Variants in ADH1A observed in about 807,000 individuals in gnomAD.
ADH1A encodes alcohol dehydrogenase 1A.
In ADH1A, 29 loss-of-function variants were observed where a neutral mutation model predicts 35.2. That is an observed-to-expected ratio of 0.82 (90% confidence interval 0.61 to 1.12). The LOEUF is 1.12. Ranked by LOEUF, ADH1A falls within the 50% of genes most tolerant of loss-of-function variation. The pLI is 0.00. For missense variants in ADH1A, 469 were observed against 464.7 expected, an observed-to-expected ratio of 1.01 and a Z score of -0.09; for synonymous variants, 147 against 164.8, an observed-to-expected ratio of 0.89 and a Z score of 0.83.
In ADH1A at chr4:99,284,424, T is replaced by C. The variant is rs1157659175; in HGVS notation, c.542A>G (p.Tyr181Cys). Residue 181 changes from tyrosine (Y) to cysteine (C), a missense_variant, in exon 5 of 9, where the codon TAT (tyrosine) becomes TGT (cysteine). Coordinates refer to ENST00000209668, the MANE Select transcript of ADH1A (RefSeq NM_000667.4). ...CTTGGCAACATTGACTGCAGACCCA[T>C]AACCAGTTGAAAATCCACAGCCAAT... is the stretch of plus-strand genomic sequence containing the variant. ...CLIGCGFSTG[Y>C]GSAVNVAKVT... 6.2e-7 allele frequency: 1 copy of C among 1,614,070 alleles called. No homozygotes were observed. Among genetic ancestry groups the C allele is most frequent in the Admixed American group, 1.7e-5 (1 of 59,998 alleles).
intron 3 of ADH1A, among the ~76,000 whole-genome samples, chr4:99,285,351 T>C (rs1733121738): frequency 6.6e-6 from 1 of 152,112 alleles, no homozygotes; most frequent in Non-Finnish European, 1.5e-5. Flanking sequence ...AGGAAAACTA[T>C]CAAAAATGGG....
Position 99,276,381 on chromosome 4 carries a change from A to C in ADH1A, c.*243T>G. The C allele has an allele frequency of 1.8e-6, 1 of 545,552 alleles. No individual in the cohort carries two copies. Among genetic ancestry groups the C allele is most frequent in the Non-Finnish European group, 3.2e-6 (1 of 308,562 alleles). The allele number at this position is 545,552 out of a possible 1,614,324, so 33.8% of individuals were successfully genotyped here. On this transcript the variant is annotated 3_prime_UTR_variant, in exon 9 of 9. Coordinates refer to ENST00000209668, the MANE Select transcript of ADH1A (RefSeq NM_000667.4). The stretch of plus-strand genomic sequence containing the variant: ...GACACAAGTAGAATGGTTAAGAAGG[A>C]AGGTTTATTGGCTTCAATTCCCCAG...
At chr4:99,290,736 G>A (rs1733269370) in intron 1 of ADH1A, among the ~76,000 whole-genome samples, 161 bp downstream of exon 1, 1 of 152,076 alleles carries the variant, frequency 6.6e-6, no homozygotes, top group Non-Finnish European at 1.5e-5. Flanking sequence ...TTCCACTGTA[G>A]TTCAGTATAC....
In ADH1A at chr4:99,280,995, C is replaced by T. The variant is rs532800458; in HGVS notation, c.829-716G>A. Among the ~76,000 whole-genome samples the T allele has an allele frequency of 2.6e-5, 4 of 152,236 alleles. No individual in the cohort carries two copies. In the South Asian group the frequency reaches 6.2e-4, roughly 24 times the overall value. On this transcript the variant is annotated intron_variant, in intron 6 of 8. Coordinates refer to ENST00000209668, the MANE Select transcript of ADH1A (RefSeq NM_000667.4). ...TTAGTTCTTTGATTTTGGATTCTGA[C>T]CTTTGGGAGACCAGACATCCTCAGA...
Position 99,286,957 on chromosome 4 carries a change from T to A in ADH1A, c.152A>T (p.Asp51Val). ...CACCATGGTACCACTAACCACGTGGTCATCTGTGCCACAGATTCCTACAGC... is the reference window on the plus strand; with the variant it reads ...CACCATGGTACCACTAACCACGTGGACATCTGTGCCACAGATTCCTACAGC... ...MVAVGICGTDDHVVSGTMVTP... is the reference protein window; with the variant it reads ...MVAVGICGTDVHVVSGTMVTP... The change falls in exon 3 of 9, where the codon GAC becomes GTC. Residue 51 changes from aspartate to valine, a missense_variant. Asp to Val is a radical substitution (Grantham distance 152). Transcript: ENST00000209668. The A allele has an allele frequency of 6.2e-7, 1 of 1,614,158 alleles. No homozygotes were observed. Among genetic ancestry groups the A allele is most frequent in the Non-Finnish European group, 8.5e-7 (1 of 1,180,008 alleles).
Position 99,280,724 on chromosome 4 carries a change from C to A in ADH1A, c.829-445G>T, listed in dbSNP as rs374526222. ...GGAAACAAGATAAATGATTATATCA[C>A]CAAAGTAGTCTCTTGTCCACTTGAT... On this transcript the variant is annotated intron_variant, in intron 6 of 8. Transcript: ENST00000209668. Among the ~76,000 whole-genome samples, 34 of 152,218 alleles carry A rather than the reference C, an allele frequency of 2.2e-4. 1 individual carries two copies. The highest frequency in any genetic ancestry group is 7.2e-4 in the African/African-American group (30 of 41,538).
At position 99,276,553 on chromosome 4, in the gene ADH1A, C is replaced by T; in HGVS notation, c.*71G>A. 1 of 1,323,488 alleles carries T rather than the reference C, an allele frequency of 7.6e-7. No homozygotes were observed. Among genetic ancestry groups the T allele is most frequent in the Non-Finnish European group, 1.1e-6 (1 of 918,430 alleles). 82.0% of individuals were successfully genotyped at this position (1,323,488 alleles called of 1,614,324 possible). A position where few individuals can be genotyped will look rare whatever the true frequency, so the allele number is the denominator to read the frequency against. On this transcript the variant is annotated 3_prime_UTR_variant, in exon 9 of 9. Coordinates refer to ENST00000209668, the MANE Select transcript of ADH1A (RefSeq NM_000667.4). Reference sequence around the variant, plus strand: ...GATGAGCAGAATTAATGATATTTCCCAGCTGTTGCTCCAGATCATGTAGGG... The same window carrying T: ...GATGAGCAGAATTAATGATATTTCCTAGCTGTTGCTCCAGATCATGTAGGG...
In ADH1A at chr4:99,282,368, A is replaced by T; in HGVS notation, c.806T>A (p.Val269Asp). ...TDGGVDFSFE[V>D]IGRLDTMMAS... ...TACCATGGTGTCAAGCCGACCGATG[A>T]CTTCAAATGAAAAATCCACACCTCC... The change falls in exon 6 of 9, where the codon GTC becomes GAC. Residue 269 changes from valine (V) to aspartate (D), a missense_variant. Physicochemically the swap from Val to Asp is radical, Grantham distance 152. Coordinates refer to ENST00000209668, the MANE Select transcript of ADH1A (RefSeq NM_000667.4). 1 of 1,614,186 alleles carries T rather than the reference A, an allele frequency of 6.2e-7. No homozygotes were observed. Among genetic ancestry groups the T allele is most frequent in the South Asian group, 1.1e-5 (1 of 91,078 alleles).
rs763459905 is a variant in ADH1A at position 99,287,001 on chromosome 4, G to A, written c.121-13C>T. The A allele has an allele frequency of 6.2e-7, 1 of 1,605,788 alleles. No individual in the cohort carries two copies. Among genetic ancestry groups the A allele is most frequent in the Admixed American group, 1.7e-5 (1 of 57,150 alleles). On this transcript the variant is annotated splice_polypyrimidine_tract_variant and intron_variant, in intron 2 of 8. Coordinates refer to ENST00000209668, the MANE Select transcript of ADH1A (RefSeq NM_000667.4). ...CTACAGCCACCATCTACAGAGTGAA[G>A]AGAAGATGTTTATAAAAGATTGTGA...
chr4:99,285,877 C>G (rs745325259), intron 3 of ADH1A, among the ~76,000 whole-genome samples: 7 of 151,812 alleles, frequency 4.6e-5, no homozygotes, highest in Non-Finnish European at 1.0e-4. Context: ...AAAAAATTAG[C>G]TGGGTGTGGT....
chr4:99,287,052 G>T, intron 2 of ADH1A, 64 bp from the exon 3 acceptor site: 1 of 1,562,816 alleles, frequency 6.4e-7, no homozygotes, highest in Admixed American at 2.0e-5. Context: ...AAAAATCCCA[G>T]TTCCCTGAAA....
chr4:99,284,506 C>T lies in ADH1A; in HGVS notation c.460G>A (p.Asp154Asn), dbSNP rs774766797. 6.2e-7 allele frequency: 1 copy of T among 1,614,092 alleles called. No individual in the cohort carries two copies. Among genetic ancestry groups the T allele is most frequent in the Non-Finnish European group, 8.5e-7 (1 of 1,180,038 alleles). ...TCAATTTTGGCTACTGCATTTTCATCCACCACTGTGTACTGTGAGAAGGTG... is the reference window on the plus strand; with the variant it reads ...TCAATTTTGGCTACTGCATTTTCATTCACCACTGTGTACTGTGAGAAGGTG... ...ISTFSQYTVVDENAVAKIDAA... is the reference protein window; with the variant it reads ...ISTFSQYTVVNENAVAKIDAA... Residue 154 changes from aspartate to asparagine, a missense_variant, in exon 5 of 9, where the codon GAT (aspartate) becomes AAT (asparagine). By Grantham distance (23) the Asp-to-Asn change is conservative. Coordinates refer to ENST00000209668, the MANE Select transcript of ADH1A (RefSeq NM_000667.4).
chr4:99,281,991 T>C lies in ADH1A; in HGVS notation c.828+355A>G, dbSNP rs116425054. On this transcript the variant is annotated intron_variant, in intron 6 of 8. Transcript: ENST00000209668. ...ATTATTAAATCATTTTTGTTAAGAA[T>C]GTGGCAGAAAAATAAAACATTCCAA... is the stretch of plus-strand genomic sequence containing the variant. 1,733 of 266,602 alleles carry C rather than the reference T, an allele frequency of 6.5e-3. 10 individuals are homozygous for C. The highest frequency in any genetic ancestry group is 7.7e-3 in the Non-Finnish European group (1,083 of 141,226). The allele number at this position is 266,602 out of a possible 1,614,324, so 16.5% of individuals were successfully genotyped here. A position where few individuals can be genotyped will look rare whatever the true frequency, so the allele number is the denominator to read the frequency against.
Position 99,286,939 on chromosome 4 carries a change from G to C in ADH1A, c.170C>G (p.Thr57Ser), listed in dbSNP as rs779096083. The change falls in exon 3 of 9, where the codon ACC (threonine) becomes AGC (serine). Residue 57 changes from threonine to serine, a missense_variant. Physicochemically the swap from Thr to Ser is moderately conservative, Grantham distance 58. Transcript: ENST00000209668. Reference protein sequence around the residue: ...CGTDDHVVSGTMVTPLPVILG... With the variant: ...CGTDDHVVSGSMVTPLPVILG... ...AATCACAGGAAGTGGGGTCACCATG[G>C]TACCACTAACCACGTGGTCATCTGT... 1 of 1,614,146 alleles carries C rather than the reference G, an allele frequency of 6.2e-7. No homozygotes were observed. The highest frequency in any genetic ancestry group is 1.1e-5 in the South Asian group (1 of 91,084).
At chr4:99,278,174 G>A (rs1206205699) in intron 8 of ADH1A, among the ~76,000 whole-genome samples, 1 of 151,846 alleles carries the variant, frequency 6.6e-6, no homozygotes, top group African/African-American at 2.4e-5. Flanking sequence ...ACTATCTTCT[G>A]GTTTTGTTCA....
chr4:99,280,382 A>T, intron 6 of ADH1A, 103 bp from the exon 7 acceptor site: 1 of 1,556,260 alleles, frequency 6.4e-7, no homozygotes, highest in Non-Finnish European at 8.7e-7. Context: ...GTGAGTGTGT[A>T]GAGGGAAGAG....
intron 8 of ADH1A, 134 bp from the exon 9 acceptor site, chr4:99,276,782 G>C: frequency 1.3e-6 from 1 of 766,464 alleles, no homozygotes; most frequent in South Asian, 1.7e-5. Context: ...ATGCATTCGG[G>C]TCAAGTGAAG....
At chr4:99,289,948 G>T (rs1321433203) in intron 1 of ADH1A, among the ~76,000 whole-genome samples, 1 of 152,150 alleles carries the variant, frequency 6.6e-6, no homozygotes, top group Admixed American at 6.5e-5. Flanking sequence ...CAGTCTTATT[G>T]ATATGAACCT....
Position 99,280,240 on chromosome 4 carries a change from T to C in ADH1A, c.868A>G (p.Ser290Gly), listed in dbSNP as rs1222128958. 6.2e-7 allele frequency: 1 copy of C among 1,613,768 alleles called. No homozygotes were observed. Among genetic ancestry groups the C allele is most frequent in the South Asian group, 1.1e-5 (1 of 91,050 alleles). The change falls in exon 7 of 9, where the codon AGT becomes GGT. Residue 290 changes from serine to glycine, a missense_variant. By Grantham distance (56) the Ser-to-Gly change is moderately conservative. Coordinates refer to ENST00000209668, the MANE Select transcript of ADH1A (RefSeq NM_000667.4). Reference protein sequence around the residue: ...LLCCHEACGTSVIVGVPPDSQ... With the variant: ...LLCCHEACGTGVIVGVPPDSQ... Reference sequence around the variant, plus strand: ...TCAGGAGGTACCCCTACGATGACACTTGTGCCACATGCCTCATGACAACAT... The same window carrying C: ...TCAGGAGGTACCCCTACGATGACACCTGTGCCACATGCCTCATGACAACAT...
Sources: gnomAD v4.1 joint callset for allele counts (sites outside exome capture counted in the v4.1 genomes callset) on GRCh38, gnomAD v4.1.1 for gene constraint, MANE v1.5 for transcripts, NCBI Gene and HGNC (gene_info 2026-07-23, HGNC 2026-07-21) for gene names.